TSPEAR: variants seen among roughly 807,000 people sequenced by gnomAD.
TSPEAR encodes the protein thrombospondin-type laminin G domain and EAR repeat-containing protein.
TSPEAR carries 69 observed loss-of-function variants against 71.6 expected under a neutral mutation model. That is an observed-to-expected ratio of 0.96 (90% CI 0.79 to 1.18). The LOEUF is 1.18. TSPEAR is among the 50% of genes most tolerant of loss of function. The pLI, the probability that TSPEAR is intolerant of heterozygous loss-of-function variation, is 0.00. For missense variants in TSPEAR, 971 were observed against 894.9 expected (o/e 1.09, Z -1.09); for synonymous variants, 402 against 387.2 (o/e 1.04, Z -0.45).
Position 44,602,005 on chromosome 21 carries a change from G to A in TSPEAR, c.83-34000C>T, listed in dbSNP as rs587650822. 1.5e-3 allele frequency: 877 copies of A among 576,842 alleles called. 6 individuals are homozygous for A. Among genetic ancestry groups the A allele is most frequent in the Non-Finnish European group, 2.3e-3 (731 of 316,612 alleles). 35.7% of individuals were successfully genotyped at this position (576,842 alleles called of 1,614,324 possible). A position where few individuals can be genotyped will look rare whatever the true frequency, so the allele number is the denominator to read the frequency against. ...AGCGGGTGCTCCCAGGCCATAGCCCGGTGTGGGGAGAAATGAGGGTAGACA... is the reference window on the plus strand; with the variant it reads ...AGCGGGTGCTCCCAGGCCATAGCCCAGTGTGGGGAGAAATGAGGGTAGACA... On this transcript the variant is annotated intron_variant, in intron 1 of 11. Transcript: ENST00000323084.
In TSPEAR at chr21:44,546,702, C is replaced by A. The variant is rs1275372483; in HGVS notation, c.304-12779G>T. ...GTTGTTGGTTTCCCCTGCCGCTGTACCCCAAGCCAGCATGTGAAATATGTC... is the reference window on the plus strand; with the variant it reads ...GTTGTTGGTTTCCCCTGCCGCTGTAACCCAAGCCAGCATGTGAAATATGTC... On this transcript the variant is annotated intron_variant, in intron 2 of 11. Transcript: ENST00000323084. The surrounding 1 kb of genome is among the most constrained non-coding windows in gnomAD (Gnocchi z 4.4). Among the ~76,000 whole-genome samples the A allele has an allele frequency of 6.6e-6, 1 of 152,208 alleles. No homozygotes were observed. Among genetic ancestry groups the A allele is most frequent in the Admixed American group, 6.5e-5 (1 of 15,288 alleles).
chr21:44,652,891 T>C (rs1366344339), intron 1 of TSPEAR, among the ~76,000 whole-genome samples: 2 of 152,158 alleles, frequency 1.3e-5, no homozygotes, highest in Non-Finnish European at 2.9e-5. Context: ...GTGTGGTGGC[T>C]CACACCTGTA....
intron 2 of TSPEAR, among the ~76,000 whole-genome samples, chr21:44,548,062 G>A (rs1437922148): frequency 2.0e-5 from 3 of 152,226 alleles, no homozygotes; most frequent in Non-Finnish European, 4.4e-5. Context: ...GGCCCCAGGT[G>A]GCATTGACTG....
intron 1 of TSPEAR, chr21:44,580,335 A>G: frequency 1.9e-6 from 3 of 1,613,800 alleles, no homozygotes; most frequent in Non-Finnish European, 2.5e-6. Context: ...TGGCAGGGGG[A>G]GGAGGCGCAG....
At chr21:44,507,759 G>A (rs1444234944) in intron 10 of TSPEAR, among the ~76,000 whole-genome samples, 2 of 152,208 alleles carry the variant, frequency 1.3e-5, no homozygotes, top group African/African-American at 4.8e-5. Flanking sequence ...GTTCTAAAAA[G>A]CCTAATGTTT....
chr21:44,521,419 G>A (rs1162142776), intron 9 of TSPEAR, among the ~76,000 whole-genome samples: 1 of 152,214 alleles, frequency 6.6e-6, no homozygotes, highest in Non-Finnish European at 1.5e-5. Context: ...GAGGCCTGGA[G>A]AGGAGCGCCA....
At chr21:44,616,777 A>C (rs1555932511) in intron 1 of TSPEAR, among the ~76,000 whole-genome samples, 1 of 152,218 alleles carries the variant, frequency 6.6e-6, no homozygotes, top group East Asian at 1.9e-4. Context: ...CGGTGTGACC[A>C]CACCAAGCAG....
At chr21:44,524,214 ATCAG>A (rs113786769) in intron 8 of TSPEAR, among the ~76,000 whole-genome samples, 1 of 148,108 alleles carries the variant, frequency 6.8e-6, no homozygotes, top group Non-Finnish European at 1.5e-5. Flanking sequence ...TAGTCACTCC[ATCAG>A]TCAGTCAGTC....
chr21:44,612,856 C>T lies in TSPEAR; in HGVS notation c.83-44851G>A, dbSNP rs782697444. 89 of 1,612,064 alleles carry T rather than the reference C, an allele frequency of 5.5e-5. No homozygotes were observed. Among genetic ancestry groups the T allele is most frequent in the Middle Eastern group, 1.8e-4 (1 of 5,710 alleles). On this transcript the variant is annotated intron_variant, in intron 1 of 11. Coordinates refer to ENST00000323084, the MANE Select transcript of TSPEAR (RefSeq NM_144991.3). This position sits in a 1 kb window ranked among gnomAD's most constrained non-coding sequence, Gnocchi z 4.1. ...CCTGCCTGTCCTTCCTCTGCCGCCC[C>T]GCGTGCTCCCGCCTGGCCTGCTGAG...
At chr21:44,698,121 G>C in intron 1 of TSPEAR, 1 of 746,260 alleles carries the variant, frequency 1.3e-6, no homozygotes, top group East Asian at 2.7e-5. Flanking sequence ...CTAAGCTCCA[G>C]ATGACCCTGC....
chr21:44,578,589 G>A (rs1235200143), intron 1 of TSPEAR, among the ~76,000 whole-genome samples: 17 of 152,208 alleles, frequency 1.1e-4, no homozygotes, highest in Non-Finnish European at 2.5e-4. Flanking sequence ...GATGCCCTTG[G>A]TGGGCTCTGG....
chr21:44,551,343 G>A (rs1555918872), intron 2 of TSPEAR: 2 of 1,613,136 alleles, frequency 1.2e-6, no homozygotes, highest in African/African-American at 1.3e-5. Context: ...GCAGGGGGCT[G>A]GGGCACAGCA....
chr21:44,666,808 G>GCA (rs1295846280), intron 1 of TSPEAR: 6 of 1,611,720 alleles, frequency 3.7e-6, no homozygotes, highest in Non-Finnish European at 4.2e-6. Context: ...CAGGAGCTGG[G>GCA]CACACAACAG....
At position 44,612,402 on chromosome 21, in the gene TSPEAR, A is replaced by G. The variant is rs1481108116; in HGVS notation, c.83-44397T>C. 6.2e-7 allele frequency: 1 copy of G among 1,614,002 alleles called. No individual in the cohort carries two copies. The highest frequency in any genetic ancestry group is 1.7e-5 in the Admixed American group (1 of 60,012). ...TCCTGCACACCTTCATGCTGCCAGCAGTCTAGCTGCCAGCCGGCTTGCTGC... is the reference window on the plus strand; with the variant it reads ...TCCTGCACACCTTCATGCTGCCAGCGGTCTAGCTGCCAGCCGGCTTGCTGC... On this transcript the variant is annotated intron_variant, in intron 1 of 11. Coordinates refer to ENST00000323084, the MANE Select transcript of TSPEAR (RefSeq NM_144991.3). This position sits in a 1 kb window ranked among gnomAD's most constrained non-coding sequence, Gnocchi z 4.1.
At chr21:44,641,847 C>T (rs1299268072) in intron 1 of TSPEAR, among the ~76,000 whole-genome samples, 21 of 152,062 alleles carry the variant, frequency 1.4e-4, no homozygotes, top group Non-Finnish European at 4.4e-5. Flanking sequence ...CAGGCTTCAG[C>T]GGGAAGGCTG....
At chr21:44,644,939 A>AAGAG (rs10661387) in intron 1 of TSPEAR, among the ~76,000 whole-genome samples, 117,764 of 151,686 alleles carry the variant, frequency 0.78, 46,178 homozygotes, top group African/African-American at 0.89. Context: ...GAGTTAAGGA[A>AAGAG]AGAGAGAAAC....
At chr21:44,572,029 A>G (rs1433689639) in intron 1 of TSPEAR, among the ~76,000 whole-genome samples, 1 of 152,222 alleles carries the variant, frequency 6.6e-6, no homozygotes, top group African/African-American at 2.4e-5. Context: ...GACCAATTAC[A>G]GAGGGAAACG....
chr21:44,563,509 G>T (rs1555921382), intron 2 of TSPEAR, among the ~76,000 whole-genome samples: 1 of 151,792 alleles, frequency 6.6e-6, no homozygotes, highest in Non-Finnish European at 1.5e-5. Context: ...AAAACATAAA[G>T]AAATCAAAAT....
intron 9 of TSPEAR, chr21:44,518,718 G>A (rs1001262562): frequency 3.2e-5 from 15 of 470,208 alleles, no homozygotes; most frequent in African/African-American, 1.2e-4. Context: ...GACTGCCTAC[G>A]TCTTCTTTCA....
Sources: allele counts gnomAD v4.1 joint callset (sites outside exome capture counted in the v4.1 genomes callset), GRCh38; gene constraint gnomAD v4.1.1; non-coding constraint Gnocchi (gnomAD v3.1); transcripts MANE v1.5; gene names NCBI Gene and HGNC (gene_info 2026-07-23, HGNC 2026-07-21).